The following CDK19 variants were observed in gnomAD, a reference collection of about 807,000 sequenced individuals.
The protein encoded by CDK19 is cyclin dependent kinase 19.
In CDK19, 20 loss-of-function variants were observed where a neutral mutation model predicts 68.3. That is an observed-to-expected ratio of 0.29 (90% CI 0.21 to 0.43). CDK19 has a LOEUF of 0.43. Ranked by LOEUF, CDK19 falls within the 20% of genes least tolerant of loss-of-function variation. The pLI is 1.00. For synonymous variants in CDK19, 221 were observed against 222.8 expected (o/e 0.99, Z 0.07); for missense variants, 339 against 623.5 (o/e 0.54, Z 4.86).
chr6:110,626,685 G>T, intron 8 of CDK19, 91 bp downstream of exon 8: 2 of 786,808 alleles, frequency 2.5e-6, no homozygotes, highest in South Asian at 2.0e-5. Flanking sequence ...AGGACTGGGA[G>T]AAAACAAATT....
At chr6:110,774,978 T>A (rs1389608592) in intron 1 of CDK19, among the ~76,000 whole-genome samples, 1 of 151,104 alleles carries the variant, frequency 6.6e-6, no homozygotes, top group Admixed American at 6.6e-5. Context: ...CTGGGTGCGG[T>A]GGCTCACACC....
intron 1 of CDK19, among the ~76,000 whole-genome samples, chr6:110,789,910 A>G (rs1295448833): frequency 1.3e-5 from 2 of 152,216 alleles, no homozygotes; most frequent in Non-Finnish European, 2.9e-5. Context: ...CATACTTATC[A>G]GAAAAAGTTC....
intron 1 of CDK19, chr6:110,814,448 C>T: frequency 2.8e-6 from 1 of 360,226 alleles, no homozygotes; most frequent in South Asian, 2.1e-5. Context: ...GCCAACGGGC[C>T]GGCCAGCCCG....
chr6:110,644,487 T>C (rs1486801366), intron 4 of CDK19, among the ~76,000 whole-genome samples: 2 of 152,100 alleles, frequency 1.3e-5, no homozygotes, highest in Non-Finnish European at 2.9e-5. Flanking sequence ...CTAATTTAAT[T>C]GTACTTTTAA....
Position 110,646,418 on chromosome 6 carries a change from G to A in CDK19, c.457-7712C>T, listed in dbSNP as rs1288441869. On this transcript the variant is annotated intron_variant, in intron 4 of 12. Coordinates refer to ENST00000368911, the MANE Select transcript of CDK19 (RefSeq NM_015076.5). ...GGGGCTGCTGGCGGGCGGCGACATG[G>A]CCTTCCCGCGCCGCAGCTACCCCAT... The A allele has an allele frequency of 6.0e-6, 9 of 1,493,120 alleles. No individual in the cohort carries two copies. The East Asian group carries it at 2.2e-4, about 37-fold the overall frequency. 92.5% of individuals were successfully genotyped at this position (1,493,120 alleles called of 1,614,324 possible).
chr6:110,633,641 A>G (rs1779585309), intron 5 of CDK19, among the ~76,000 whole-genome samples: 1 of 152,240 alleles, frequency 6.6e-6, no homozygotes, highest in African/African-American at 2.4e-5. Flanking sequence ...TACTACTGCA[A>G]TAAGATCCTG....
chr6:110,705,077 T>C (rs886294533), intron 2 of CDK19, among the ~76,000 whole-genome samples: 4 of 150,940 alleles, frequency 2.7e-5, no homozygotes, highest in African/African-American at 9.7e-5. Context: ...AGTTTCACTC[T>C]TGTCACCCAG....
chr6:110,639,763 C>T (rs889169589), intron 4 of CDK19, among the ~76,000 whole-genome samples: 2 of 152,028 alleles, frequency 1.3e-5, no homozygotes, highest in African/African-American at 4.8e-5. Context: ...TTAAAGATTC[C>T]ACTGTTAAGG....
intron 2 of CDK19, among the ~76,000 whole-genome samples, chr6:110,726,718 G>A (rs2114773578): frequency 6.6e-6 from 1 of 152,216 alleles, no homozygotes; most frequent in Admixed American, 6.5e-5. Context: ...AATGAACCTG[G>A]CCTACAGAGA....
chr6:110,700,733 C>A, intron 2 of CDK19: 1 of 189,656 alleles, frequency 5.3e-6, no homozygotes. Flanking sequence ...AAAATCACTA[C>A]AAGAAAAACT....
At chr6:110,810,733 A>T (rs1024892992) in intron 1 of CDK19, among the ~76,000 whole-genome samples, 7 of 151,830 alleles carry the variant, frequency 4.6e-5, no homozygotes, top group African/African-American at 1.7e-4. Flanking sequence ...GAGATCGCAC[A>T]ATTGCACTCC....
intron 2 of CDK19, among the ~76,000 whole-genome samples, chr6:110,705,561 T>C (rs1774397409): frequency 6.6e-6 from 1 of 152,090 alleles, no homozygotes. Flanking sequence ...ATAAAAACAT[T>C]ATAAGCGTCT....
Position 110,621,462 on chromosome 6 carries a change from C to T in CDK19, c.1111-92G>A. ...ATATGCACATGTGGCTGCTGACCAA[C>T]CTGGGGGAGCAATCTATGTGGGACA... On this transcript the variant is annotated intron_variant, in intron 11 of 12. Coordinates refer to ENST00000368911, the MANE Select transcript of CDK19 (RefSeq NM_015076.5). This position sits in a 1 kb window ranked among gnomAD's most constrained non-coding sequence, Gnocchi z 5.4. The T allele has an allele frequency of 8.0e-7, 1 of 1,253,612 alleles. No individual in the cohort carries two copies. The highest frequency in any genetic ancestry group is 1.5e-5 in the South Asian group (1 of 68,312). The allele number at this position is 1,253,612 out of a possible 1,614,324, so 77.7% of individuals were successfully genotyped here.
chr6:110,686,540 A>T (rs1301951358), intron 2 of CDK19, among the ~76,000 whole-genome samples: 5 of 152,200 alleles, frequency 3.3e-5, no homozygotes, highest in Non-Finnish European at 5.9e-5. Context: ...AATATTAATA[A>T]AATCATCTAG....
chr6:110,722,481 T>A (rs1775971451), intron 2 of CDK19: 1 of 150,458 alleles, frequency 6.6e-6, no homozygotes, highest in Non-Finnish European at 1.5e-5. Flanking sequence ...GGAGGATCAG[T>A]GGAACTCAGG....
intron 2 of CDK19, among the ~76,000 whole-genome samples, chr6:110,679,323 A>C (rs1253850815): frequency 6.6e-6 from 1 of 151,790 alleles, no homozygotes; most frequent in Non-Finnish European, 1.5e-5. Context: ...CTCTAAAAAA[A>C]AAAAAAAGTC....
chr6:110,739,759 T>C (rs1447802431), intron 2 of CDK19, among the ~76,000 whole-genome samples: 2 of 151,282 alleles, frequency 1.3e-5, no homozygotes, highest in African/African-American at 4.9e-5. Flanking sequence ...GCCTCCCAGG[T>C]AGCTAGGACT....
chr6:110,755,549 A>C (rs1366343826), intron 1 of CDK19, among the ~76,000 whole-genome samples: 1 of 152,174 alleles, frequency 6.6e-6, no homozygotes, highest in Non-Finnish European at 1.5e-5. Flanking sequence ...TTCACTGAGC[A>C]AAGGAGGAAA....
intron 1 of CDK19, among the ~76,000 whole-genome samples, chr6:110,754,322 C>G (rs544637077): frequency 2.7e-4 from 41 of 152,048 alleles, no homozygotes; most frequent in Non-Finnish European, 5.6e-4. Flanking sequence ...CCTGAGACAT[C>G]GCACCTGGCC....
Sources: gnomAD v4.1 joint callset for allele counts (sites outside exome capture counted in the v4.1 genomes callset) on GRCh38, gnomAD v4.1.1 for gene constraint, Gnocchi (gnomAD v3.1) non-coding constraint, MANE v1.5 for transcripts, NCBI Gene and HGNC (gene_info 2026-07-23, HGNC 2026-07-21) for gene names.